KCND2: variants seen among roughly 807,000 people sequenced by gnomAD.
KCND2 encodes potassium voltage-gated channel subfamily D member 2, also known as A-type voltage-gated potassium channel KCND2.
In KCND2, 16 loss-of-function variants were observed where a neutral mutation model predicts 54.4. The ratio of observed to expected loss-of-function variants is 0.29; its 90% CI spans 0.20 to 0.45. The LOEUF is 0.45. Ranked by LOEUF, KCND2 falls within the 20% of genes least tolerant of loss-of-function variation. The probability of loss-of-function intolerance (pLI) is 1.00; values close to 1 mark genes in which losing one functional copy is unlikely to be tolerated. For missense variants in KCND2, 486 were observed against 824.2 expected, an observed-to-expected ratio of 0.59 and a Z score of 5.02; for synonymous variants, 317 against 310.7, an observed-to-expected ratio of 1.02 and a Z score of -0.21.
intron 1 of KCND2, among the ~76,000 whole-genome samples, chr7:120,422,992 C>G (rs1801648789): frequency 6.6e-6 from 1 of 152,216 alleles, no homozygotes. Flanking sequence ...TTCTGAACTG[C>G]TGCTATATAG....
At chr7:120,643,726 T>C (rs1475122419) in intron 1 of KCND2, among the ~76,000 whole-genome samples, 2 of 151,266 alleles carry the variant, frequency 1.3e-5, no homozygotes, top group African/African-American at 4.9e-5. Context: ...TACAGTGCAA[T>C]AAAATGTCAA....
intron 1 of KCND2, among the ~76,000 whole-genome samples, chr7:120,422,709 C>T (rs533691613): frequency 3.2e-4 from 49 of 152,196 alleles, no homozygotes; most frequent in Non-Finnish European, 4.9e-4. Flanking sequence ...TGGGCTTTCT[C>T]ACCCACAGCC....
intron 1 of KCND2, among the ~76,000 whole-genome samples, chr7:120,551,300 A>G (rs955642541): frequency 6.6e-6 from 1 of 152,224 alleles, no homozygotes; most frequent in African/African-American, 2.4e-5. Context: ...GTTTCCTAAG[A>G]ACCCCTCATA....
chr7:120,551,424 G>A (rs1792103686), intron 1 of KCND2, among the ~76,000 whole-genome samples: 1 of 152,082 alleles, frequency 6.6e-6, no homozygotes. Context: ...CAGTATCCTA[G>A]GTATTGGAGA....
chr7:120,645,202 A>G (rs547199219), intron 1 of KCND2, among the ~76,000 whole-genome samples: 67 of 152,236 alleles, frequency 4.4e-4, no homozygotes, highest in Non-Finnish European at 1.5e-4. Flanking sequence ...AAGCCTGCGT[A>G]TAAGCCGGCC....
chr7:120,742,575 C>A lies in KCND2; in HGVS notation c.1440C>A (p.His480Gln). 1.2e-6 allele frequency: 2 copies of A among 1,613,520 alleles called. No homozygotes were observed. The highest frequency in any genetic ancestry group is 1.7e-6 in the Non-Finnish European group (2 of 1,179,590). Reference protein sequence around the residue: ...SGSSFETQHHHLLHCLEKTTN... With the variant: ...SGSSFETQHHQLLHCLEKTTN... ...CCAGCTTTGAAACCCAGCACCACCACCTGCTTCACTGCCTGGAAAAAACCA... is the reference window on the plus strand; with the variant it reads ...CCAGCTTTGAAACCCAGCACCACCAACTGCTTCACTGCCTGGAAAAAACCA... Residue 480 changes from histidine (H) to glutamine (Q), a missense_variant, in exon 4 of 6, where the codon CAC becomes CAA. Physicochemically the swap from His to Gln is conservative, Grantham distance 24. Coordinates refer to ENST00000331113, the MANE Select transcript of KCND2 (RefSeq NM_012281.3).
At chr7:120,667,375 T>G (rs1791940362) in intron 1 of KCND2, among the ~76,000 whole-genome samples, 1 of 152,060 alleles carries the variant, frequency 6.6e-6, no homozygotes, top group Admixed American at 6.5e-5. Flanking sequence ...CTCAAAATCC[T>G]TGCAGCCATC....
chr7:120,444,558 A>C (rs557959991), intron 1 of KCND2, among the ~76,000 whole-genome samples: 1 of 152,138 alleles, frequency 6.6e-6, no homozygotes, highest in African/African-American at 2.4e-5. Context: ...CCTCAAAAAT[A>C]TTTGCTGTAA....
At chr7:120,669,519 A>G (rs1791966359) in intron 1 of KCND2, among the ~76,000 whole-genome samples, 1 of 152,148 alleles carries the variant, frequency 6.6e-6, no homozygotes, top group Non-Finnish European at 1.5e-5. Flanking sequence ...TACATATCCC[A>G]GCTAATAGGC....
intron 1 of KCND2, among the ~76,000 whole-genome samples, chr7:120,477,320 G>A (rs1466064784): frequency 6.6e-6 from 1 of 152,110 alleles, no homozygotes; most frequent in Non-Finnish European, 1.5e-5. Context: ...AGCTTCCTCA[G>A]TCGTCACAAA....
chr7:120,373,493 C>T (rs1800792942), intron 1 of KCND2, among the ~76,000 whole-genome samples: 1 of 151,852 alleles, frequency 6.6e-6, no homozygotes, highest in African/African-American at 2.4e-5. Context: ...AATTGCTCCT[C>T]ATTTATGAGA....
intron 1 of KCND2, among the ~76,000 whole-genome samples, chr7:120,398,017 ATATAT>A (rs1801184541): frequency 2.2e-5 from 3 of 137,190 alleles, no homozygotes; most frequent in African/African-American, 8.7e-5. Flanking sequence ...ATATATATAT[ATATAT>A]ATATATATAT....
At chr7:120,424,483 C>T (rs183632315) in intron 1 of KCND2, among the ~76,000 whole-genome samples, 1 of 152,254 alleles carries the variant, frequency 6.6e-6, no homozygotes, top group African/African-American at 2.4e-5. Context: ...AACCAATCAC[C>T]ACAAATTAAA....
At chr7:120,312,148 C>A (rs1233595091) in intron 1 of KCND2, among the ~76,000 whole-genome samples, 1 of 152,150 alleles carries the variant, frequency 6.6e-6, no homozygotes, top group African/African-American at 2.4e-5. Context: ...CTCAGATGAT[C>A]TGCCCACTTC....
chr7:120,650,316 T>G (rs191213704), intron 1 of KCND2, among the ~76,000 whole-genome samples: 1 of 143,166 alleles, frequency 7.0e-6, no homozygotes. Flanking sequence ...TGTTCATTTC[T>G]TTTTATTCTT....
chr7:120,715,039 C>A (rs1047288456), intron 1 of KCND2, among the ~76,000 whole-genome samples: 5 of 152,036 alleles, frequency 3.3e-5, no homozygotes, highest in African/African-American at 7.2e-5. Flanking sequence ...TCACTCATTT[C>A]TCTGACTTCC....
chr7:120,342,844 G>A (rs963098051), intron 1 of KCND2, among the ~76,000 whole-genome samples: 1 of 152,090 alleles, frequency 6.6e-6, no homozygotes, highest in Non-Finnish European at 1.5e-5. Context: ...AGTAATTGTA[G>A]TTGCTTATAG....
intron 1 of KCND2, among the ~76,000 whole-genome samples, chr7:120,643,156 G>A (rs1257783940): frequency 6.6e-6 from 1 of 152,112 alleles, no homozygotes; most frequent in African/African-American, 2.4e-5. Context: ...TTTTTCTAAT[G>A]CCATTTAGTT....
intron 1 of KCND2, among the ~76,000 whole-genome samples, chr7:120,403,740 A>G (rs1294722748): frequency 6.6e-6 from 1 of 152,086 alleles, no homozygotes; most frequent in African/African-American, 2.4e-5. Flanking sequence ...AAGAAAATAC[A>G]TTTATATAAC....
Sources: gnomAD v4.1 joint callset for allele counts (sites outside exome capture counted in the v4.1 genomes callset) on GRCh38, gnomAD v4.1.1 for gene constraint, MANE v1.5 for transcripts, NCBI Gene and HGNC (gene_info 2026-07-23, HGNC 2026-07-21) for gene names.